Variants in POLA1 observed in about 807,000 individuals in gnomAD.
POLA1 encodes the protein DNA polymerase alpha 1, catalytic subunit.
POLA1 carries 15 observed loss-of-function variants against 124.0 expected under a neutral mutation model. The observed-to-expected ratio is 0.12, with a 90% CI of 0.08 to 0.19. The LOEUF (loss-of-function observed/expected upper bound fraction) is 0.19, where lower values mean the gene tolerates loss of function less well. Ranked by LOEUF, POLA1 falls within the 10% of genes least tolerant of loss-of-function variation. The pLI is 1.00. For missense variants in POLA1, 886 were observed against 1,103.4 expected, an observed-to-expected ratio of 0.80 and a Z score of 2.79; for synonymous variants, 408 against 389.4, an observed-to-expected ratio of 1.05 and a Z score of -0.56.
chrX:24,828,551 C>T (rs1436548619), intron 32 of POLA1, among the ~76,000 whole-genome samples: 1 of 111,868 alleles, frequency 8.9e-6, no homozygotes, highest in Non-Finnish European at 1.9e-5. Context: ...TCTCACTGTA[C>T]TCCCCCCCGC....
intron 26 of POLA1, among the ~76,000 whole-genome samples, chrX:24,797,019 G>C (rs1419758838): frequency 8.9e-6 from 1 of 111,931 alleles, no homozygotes; most frequent in African/African-American, 3.3e-5. Context: ...CTAAATGTCT[G>C]TGATTCTCTG....
intron 29 of POLA1, among the ~76,000 whole-genome samples, chrX:24,814,407 T>A (rs1217591239): frequency 8.9e-6 from 1 of 111,888 alleles, no homozygotes; most frequent in Non-Finnish European, 1.9e-5. Flanking sequence ...TAACATGAAG[T>A]TTTTAAGGAA....
At chrX:24,821,865 C>T (rs1269606774) in intron 31 of POLA1, among the ~76,000 whole-genome samples, 1 of 112,052 alleles carries the variant, frequency 8.9e-6, no homozygotes, top group Non-Finnish European at 1.9e-5. Flanking sequence ...TCATTTATCT[C>T]TTTCCTTTTG....
chrX:24,806,062 T>C (rs1407670902), intron 26 of POLA1, among the ~76,000 whole-genome samples: 16 of 15,010 alleles, frequency 1.1e-3, no homozygotes, highest in Non-Finnish European at 5.6e-4. Flanking sequence ...GGTTTTTTTT[T>C]TTTTTTTTTT....
At position 24,820,281 on chromosome X, in the gene POLA1, A is replaced by G. The variant is rs761613745; in HGVS notation, c.3430-1171A>G. On this transcript the variant is annotated intron_variant, in intron 30 of 36. Transcript: ENST00000379068. ...TTGCTTCTGTATCATCAGTACAGGT[A>G]GTATCGTTATGAAAATAGTTTTGAT... Among the ~76,000 whole-genome samples, 4 of 111,414 alleles carry G rather than the reference A, an allele frequency of 3.6e-5. No individual in the cohort carries two copies. The South Asian group carries it at 1.5e-3, about 43-fold the overall frequency.
At chrX:24,816,470 A>G (rs966186536) in intron 30 of POLA1, among the ~76,000 whole-genome samples, 1 of 112,282 alleles carries the variant, frequency 8.9e-6, no homozygotes, top group African/African-American at 3.2e-5. Flanking sequence ...ATTTGTTTAT[A>G]CATTAGAAGG....
At chrX:24,777,144 T>C (rs775234276) in intron 26 of POLA1, among the ~76,000 whole-genome samples, 2 of 112,402 alleles carry the variant, frequency 1.8e-5, no homozygotes, top group Non-Finnish European at 3.8e-5. Flanking sequence ...TTTATCAGTT[T>C]ATCTCTGCTT....
intron 35 of POLA1, among the ~76,000 whole-genome samples, chrX:24,909,673 G>A (rs1392189370): frequency 9.0e-6 from 1 of 111,461 alleles, no homozygotes; most frequent in Admixed American, 9.5e-5. Context: ...GTAGCGTGAT[G>A]CCTCCAGCTT....
intron 28 of POLA1, 141 bp downstream of exon 28, chrX:24,810,941 TTCTG>T (rs2148495823): frequency 2.6e-6 from 1 of 389,463 alleles, no homozygotes; most frequent in Non-Finnish European, 4.5e-6. Context: ...TCTTCTATTT[TTCTG>T]TCTTTCTTTA....
At chrX:24,909,147 A>G (rs1387579754) in intron 35 of POLA1, among the ~76,000 whole-genome samples, 1 of 112,066 alleles carries the variant, frequency 8.9e-6, no homozygotes, top group East Asian at 2.8e-4. Context: ...CCTTTGTCAG[A>G]TGAGTAGATT....
chrX:24,986,185 A>G (rs2048479112), intron 36 of POLA1, among the ~76,000 whole-genome samples: 1 of 111,334 alleles, frequency 9.0e-6, no homozygotes, highest in Admixed American at 9.5e-5. Context: ...AAAAAAAGAA[A>G]GGGTTCCTTC....
chrX:24,736,984 G>T (rs764278459), intron 18 of POLA1, among the ~76,000 whole-genome samples: 8 of 111,883 alleles, frequency 7.2e-5, no homozygotes, highest in Non-Finnish European at 1.1e-4. Context: ...TCATGTTCAC[G>T]TGTTGGAAAT....
At chrX:24,974,124 T>A (rs2048337361) in intron 36 of POLA1, among the ~76,000 whole-genome samples, 1 of 111,144 alleles carries the variant, frequency 9.0e-6, no homozygotes, top group African/African-American at 3.3e-5. Context: ...AAAATGAGCC[T>A]TTCTAACAGA....
intron 15 of POLA1, among the ~76,000 whole-genome samples, chrX:24,728,409 C>G (rs189552146): frequency 1.8e-5 from 2 of 111,897 alleles, no homozygotes; most frequent in African/African-American, 6.5e-5. Flanking sequence ...ACAGTGACTC[C>G]TTGGTATAAT....
intron 26 of POLA1, among the ~76,000 whole-genome samples, chrX:24,795,695 A>G (rs763139503): frequency 9.3e-6 from 1 of 107,206 alleles, no homozygotes; most frequent in South Asian, 4.3e-4. Flanking sequence ...GTAAAGGTCA[A>G]GGAGAAAGGC....
intron 35 of POLA1, among the ~76,000 whole-genome samples, chrX:24,899,120 C>T (rs900326796): frequency 1.8e-5 from 2 of 111,951 alleles, no homozygotes; most frequent in African/African-American, 6.5e-5. Flanking sequence ...TTTCCTGCTG[C>T]GGACCTTTTC....
chrX:24,878,867 C>A (rs1374162671), intron 34 of POLA1, among the ~76,000 whole-genome samples: 1 of 110,368 alleles, frequency 9.1e-6, no homozygotes, highest in Non-Finnish European at 1.9e-5. Flanking sequence ...TATTTTTCAG[C>A]TGTGTTAGTG....
rs754611241 is a variant in POLA1 at position 24,815,022 on chromosome X, A to G, written c.3340A>G (p.Ile1114Val). 3.4e-6 allele frequency: 4 copies of G among 1,187,148 alleles called. No homozygotes were observed. Among genetic ancestry groups the G allele is most frequent in the South Asian group, 3.6e-5 (2 of 55,277 alleles). The change falls in exon 30 of 37, where the codon ATA becomes GTA. Residue 1114 changes from isoleucine (I) to valine (V), a missense_variant. Physicochemically the swap from Ile to Val is conservative, Grantham distance 29. This residue lies in a region of POLA1 where 313 missense variants were observed against 359.7 expected (regional missense o/e 0.87). Coordinates refer to ENST00000379068, the MANE Select transcript of POLA1 (RefSeq NM_001330360.2). ...QILSDQSRDT[I>V]VENIQKRLIE... Reference sequence around the variant, plus strand: ...TCTTTCTGATCAAAGCCGGGACACTATAGTGGAAAACATTCAGAAGAGGCT... The same window carrying G: ...TCTTTCTGATCAAAGCCGGGACACTGTAGTGGAAAACATTCAGAAGAGGCT...
chrX:24,713,207 C>T (rs1024207708), intron 4 of POLA1, among the ~76,000 whole-genome samples: 8 of 111,405 alleles, frequency 7.2e-5, no homozygotes, highest in Non-Finnish European at 1.5e-4. Flanking sequence ...TCGTGATCTG[C>T]CTGCCTCGGC....
Sources: gnomAD v4.1 joint callset for allele counts (sites outside exome capture counted in the v4.1 genomes callset) on GRCh38, gnomAD v4.1.1 for gene constraint, gnomAD v4.1.1 regional missense constraint, MANE v1.5 for transcripts, NCBI Gene and HGNC (gene_info 2026-07-23, HGNC 2026-07-21) for gene names.